Variants in ANKFN1 observed in about 807,000 individuals in gnomAD.
ANKFN1 encodes ankyrin repeat and fibronectin type III domain containing 1, also known as ankyrin repeat and fibronectin type-III domain-containing protein 1.
Under a neutral mutation model 108.7 loss-of-function variants are expected in ANKFN1, and 74 were observed. That is an observed-to-expected ratio of 0.68 (90% confidence interval 0.56 to 0.83). The LOEUF (loss-of-function observed/expected upper bound fraction) is 0.83, where lower values mean the gene tolerates loss of function less well. Ranked by LOEUF, ANKFN1 falls within the 40% of genes least tolerant of loss-of-function variation. The probability of loss-of-function intolerance (pLI) is 0.00; values close to 1 mark genes in which losing one functional copy is unlikely to be tolerated. For missense variants in ANKFN1, 1,505 were observed against 1,382.3 expected (o/e 1.09, Z -1.41); for synonymous variants, 547 against 516.2 (o/e 1.06, Z -0.81).
chr17:56,489,824 G>A (rs1228067493), intron 18 of ANKFN1, among the ~76,000 whole-genome samples: 1 of 152,082 alleles, frequency 6.6e-6, no homozygotes, highest in Non-Finnish European at 1.5e-5. Context: ...GTGCTAACAG[G>A]ACATAATCCC....
chr17:56,099,197 G>A (rs72829709), intron 4 of ANKFN1, among the ~76,000 whole-genome samples: 5,503 of 152,272 alleles, frequency 0.036, 112 homozygotes, highest in Middle Eastern at 0.082. Context: ...ACTGAATCTT[G>A]TTAGTCAAAC....
intron 3 of ANKFN1, among the ~76,000 whole-genome samples, chr17:56,324,226 G>C (rs1234604514): frequency 6.6e-6 from 1 of 152,062 alleles, no homozygotes; most frequent in Non-Finnish European, 1.5e-5. Flanking sequence ...ATTTTTCTAG[G>C]GTATGTCAGG....
chr17:56,349,247 G>T (rs955038511), intron 4 of ANKFN1, among the ~76,000 whole-genome samples: 1 of 152,138 alleles, frequency 6.6e-6, no homozygotes, highest in African/African-American at 2.4e-5. Flanking sequence ...GCTGGGAAGA[G>T]GGAGAGCATC....
intron 1 of ANKFN1, among the ~76,000 whole-genome samples, chr17:56,171,228 T>C (rs2143568971): frequency 6.6e-6 from 1 of 152,268 alleles, no homozygotes; most frequent in East Asian, 1.9e-4. Flanking sequence ...CCCTGGCCTT[T>C]TGTACTCACT....
chr17:56,226,283 A>G lies in ANKFN1; in HGVS notation c.13-1634A>G, dbSNP rs190718179. Among the ~76,000 whole-genome samples the G allele has an allele frequency of 1.5e-3, 225 of 152,304 alleles. 1 individual carries two copies. Among genetic ancestry groups the G allele is most frequent in the African/African-American group, 4.7e-3 (197 of 41,574 alleles). On this transcript the variant is annotated intron_variant, in intron 2 of 20. Coordinates refer to ENST00000682825, the MANE Select transcript of ANKFN1 (RefSeq NM_001370326.1). ...ATGTGAGATCTTGTCGGGTCAAACT[A>G]TAGAATCCATCTAAGAAATTCAGTC...
chr17:56,199,966 T>C (rs1156887212), intron 1 of ANKFN1, among the ~76,000 whole-genome samples: 1 of 152,224 alleles, frequency 6.6e-6, no homozygotes, highest in Non-Finnish European at 1.5e-5. Flanking sequence ...TATCATTTTG[T>C]TAATATTCTG....
At chr17:56,405,722 T>C (rs1462177867) in intron 8 of ANKFN1, among the ~76,000 whole-genome samples, 19 of 152,144 alleles carry the variant, frequency 1.2e-4, no homozygotes, top group Admixed American at 1.2e-3. Context: ...AAAAAGAATG[T>C]GGGATCTCAT....
chr17:56,121,758 T>G (rs1292712212), intron 4 of ANKFN1, among the ~76,000 whole-genome samples: 1 of 152,130 alleles, frequency 6.6e-6, no homozygotes, highest in African/African-American at 2.4e-5. Flanking sequence ...TCATTAACAT[T>G]GGTTATATGA....
chr17:56,144,335 A>C (rs1908127148), intron 4 of ANKFN1, among the ~76,000 whole-genome samples: 1 of 152,142 alleles, frequency 6.6e-6, no homozygotes, highest in Non-Finnish European at 1.5e-5. Flanking sequence ...ACTTTAGGTC[A>C]GGCTGTTTCT....
At chr17:56,209,748 G>A (rs1403468633) in intron 1 of ANKFN1, among the ~76,000 whole-genome samples, 1 of 151,886 alleles carries the variant, frequency 6.6e-6, no homozygotes, top group Non-Finnish European at 1.5e-5. Flanking sequence ...GGTGATTTCT[G>A]AGATTTTGGT....
intron 8 of ANKFN1, among the ~76,000 whole-genome samples, chr17:56,381,911 A>G (rs1439426786): frequency 7.2e-5 from 11 of 152,006 alleles, no homozygotes; most frequent in African/African-American, 1.9e-4. Context: ...GCAGGCCAAC[A>G]TTCAGATTCA....
intron 8 of ANKFN1, among the ~76,000 whole-genome samples, chr17:56,429,632 G>A (rs898990114): frequency 3.3e-5 from 5 of 152,198 alleles, no homozygotes; most frequent in African/African-American, 1.2e-4. Flanking sequence ...ACTATGTTGA[G>A]GAGTTTAGAT....
Position 56,324,460 on chromosome 17 carries a change from G to A in ANKFN1, c.54-1761G>A, listed in dbSNP as rs2045459976. Among the ~76,000 whole-genome samples, 3 of 152,166 alleles carry A rather than the reference G, an allele frequency of 2.0e-5. No individual in the cohort carries two copies. The South Asian group carries it at 6.2e-4, about 32-fold the overall frequency. On this transcript the variant is annotated intron_variant, in intron 3 of 20. Coordinates refer to ENST00000682825, the MANE Select transcript of ANKFN1 (RefSeq NM_001370326.1). Reference sequence around the variant, plus strand: ...TCAGTGGCACTCTCCCCTTAGGTCTGCATGGCACGTGTAACTCATGACCCC... The same window carrying A: ...TCAGTGGCACTCTCCCCTTAGGTCTACATGGCACGTGTAACTCATGACCCC...
At chr17:56,280,431 C>G (rs79978947) in intron 3 of ANKFN1, among the ~76,000 whole-genome samples, 10,176 of 152,120 alleles carry the variant, frequency 0.067, 874 homozygotes, top group African/African-American at 0.2. Flanking sequence ...GGGCCTTCCA[C>G]CTCCAGGATT....
chr17:56,391,920 T>C (rs1244829663), intron 8 of ANKFN1, among the ~76,000 whole-genome samples: 1 of 152,172 alleles, frequency 6.6e-6, no homozygotes, highest in African/African-American at 2.4e-5. Context: ...AATTAATGTA[T>C]TTACTCATTA....
At chr17:56,481,594 A>T (rs2050704794) in intron 17 of ANKFN1, among the ~76,000 whole-genome samples, 1 of 152,128 alleles carries the variant, frequency 6.6e-6, no homozygotes, top group Admixed American at 6.6e-5. Context: ...TTTAAATACG[A>T]GAGAGAACCA....
chr17:56,163,924 G>A (rs760701620), intron 1 of ANKFN1, among the ~76,000 whole-genome samples: 5 of 152,158 alleles, frequency 3.3e-5, no homozygotes, highest in Admixed American at 6.5e-5. Context: ...CAGTGTAGGC[G>A]TAATGTGATG....
At chr17:56,063,680 A>G (rs923945386) in intron 4 of ANKFN1, among the ~76,000 whole-genome samples, 1 of 151,674 alleles carries the variant, frequency 6.6e-6, no homozygotes, top group Non-Finnish European at 1.5e-5. Context: ...GCTTCTTTGC[A>G]TTGGGTTAGA....
upstream of ANKFN1, among the ~76,000 whole-genome samples, chr17:56,152,256 A>ATGTG (rs1165051884): frequency 2.5e-5 from 2 of 79,254 alleles, no homozygotes; most frequent in African/African-American, 8.0e-5. Flanking sequence ...ATATATATAT[A>ATGTG]TATATATGTG....
Sources: allele counts gnomAD v4.1 joint callset (sites outside exome capture counted in the v4.1 genomes callset), GRCh38; gene constraint gnomAD v4.1.1; transcripts MANE v1.5; gene names NCBI Gene and HGNC (gene_info 2026-07-23, HGNC 2026-07-21).